The following NR3C2 variants were observed in gnomAD, a reference collection of about 807,000 sequenced individuals.
The protein encoded by NR3C2 is nuclear receptor subfamily 3 group C member 2, also known as mineralocorticoid receptor.
NR3C2 carries 15 observed loss-of-function variants against 86.4 expected under a neutral mutation model. That is an observed-to-expected ratio of 0.17 (90% CI 0.12 to 0.27). The LOEUF (loss-of-function observed/expected upper bound fraction) is 0.27, where lower values mean the gene tolerates loss of function less well. Among genes scored for constraint, NR3C2 ranks in the 10% least tolerant of loss-of-function variants. NR3C2 has a pLI of 1.00. For missense variants in NR3C2, 960 were observed against 1,195.6 expected, an observed-to-expected ratio of 0.80 and a Z score of 2.91; for synonymous variants, 458 against 450.5, an observed-to-expected ratio of 1.02 and a Z score of -0.21.
intron 4 of NR3C2, among the ~76,000 whole-genome samples, chr4:148,182,537 T>A (rs1735691123): frequency 6.6e-6 from 1 of 152,246 alleles, no homozygotes; most frequent in African/African-American, 2.4e-5. Flanking sequence ...GTGAGCTTTT[T>A]TCAGCAAGAT....
chr4:148,336,926 G>T (rs934672453), intron 2 of NR3C2, among the ~76,000 whole-genome samples: 2 of 152,046 alleles, frequency 1.3e-5, no homozygotes, highest in African/African-American at 2.4e-5. Flanking sequence ...GGAGTAGCTG[G>T]GACTACAGGC....
chr4:148,156,725 A>C (rs1196601056), intron 4 of NR3C2, among the ~76,000 whole-genome samples: 2 of 152,080 alleles, frequency 1.3e-5, no homozygotes, highest in Non-Finnish European at 1.5e-5. Flanking sequence ...AACTAGTTCA[A>C]CCATTGTGGA....
At chr4:148,116,256 T>C (rs1337559790) in intron 7 of NR3C2, among the ~76,000 whole-genome samples, 1 of 152,174 alleles carries the variant, frequency 6.6e-6, no homozygotes, top group Non-Finnish European at 1.5e-5. Flanking sequence ...ATTCTAAAAA[T>C]TACAACAACT....
chr4:148,376,156 A>AAAC (rs978192136), intron 2 of NR3C2, among the ~76,000 whole-genome samples: 1 of 151,568 alleles, frequency 6.6e-6, no homozygotes, highest in African/African-American at 2.4e-5. Context: ...AAAAAAAAAA[A>AAAC]AAAAAACCCA....
chr4:148,210,074 G>C (rs777792727), intron 3 of NR3C2, among the ~76,000 whole-genome samples: 2 of 152,152 alleles, frequency 1.3e-5, no homozygotes, highest in Admixed American at 6.5e-5. Flanking sequence ...CCTGGGAGGA[G>C]GGTCTGGATG....
intron 3 of NR3C2, among the ~76,000 whole-genome samples, chr4:148,235,974 T>C (rs1738730921): frequency 6.6e-6 from 1 of 152,238 alleles, no homozygotes; most frequent in Admixed American, 6.5e-5. Flanking sequence ...TCTTCTCCCT[T>C]GGCAGACGGC....
intron 5 of NR3C2, among the ~76,000 whole-genome samples, chr4:148,154,063 T>C (rs1316879504): frequency 1.3e-5 from 2 of 151,728 alleles, no homozygotes; most frequent in Non-Finnish European, 2.9e-5. Flanking sequence ...GGCTGGAGTA[T>C]AGTGGTGGGA....
At chr4:148,376,250 T>C (rs1746674692) in intron 2 of NR3C2, among the ~76,000 whole-genome samples, 1 of 149,850 alleles carries the variant, frequency 6.7e-6, no homozygotes, top group East Asian at 2.0e-4. Flanking sequence ...AGAAAGTAAA[T>C]AAAAGGAAGG....
intron 6 of NR3C2, among the ~76,000 whole-genome samples, chr4:148,137,105 T>A (rs958357581): frequency 2.0e-5 from 3 of 152,190 alleles, no homozygotes; most frequent in East Asian, 3.9e-4. Flanking sequence ...CTACTCTTTT[T>A]TGAACACATT....
intron 2 of NR3C2, among the ~76,000 whole-genome samples, chr4:148,400,752 C>G (rs1044157296): frequency 7.5e-6 from 1 of 133,086 alleles, no homozygotes; most frequent in Admixed American, 9.0e-5. Flanking sequence ...GCACTCCAGC[C>G]TGGGCGACTG....
intron 2 of NR3C2, among the ~76,000 whole-genome samples, chr4:148,352,015 T>TA (rs1345370268): frequency 6.6e-6 from 1 of 152,214 alleles, no homozygotes; most frequent in Non-Finnish European, 1.5e-5. Context: ...TCTGGAATAT[T>TA]ATTCTTAAAT....
intron 7 of NR3C2, among the ~76,000 whole-genome samples, chr4:148,115,936 A>G (rs1732256205): frequency 6.6e-6 from 1 of 152,224 alleles, no homozygotes; most frequent in Non-Finnish European, 1.5e-5. Flanking sequence ...AAACAAAAAG[A>G]ACAGTAATAA....
chr4:148,373,364 C>A (rs960159733), intron 2 of NR3C2, among the ~76,000 whole-genome samples: 12 of 152,110 alleles, frequency 7.9e-5, no homozygotes, highest in African/African-American at 2.9e-4. Flanking sequence ...AACCAACTAT[C>A]CTGTATCATG....
intron 8 of NR3C2, among the ~76,000 whole-genome samples, chr4:148,100,487 T>C (rs1412902100): frequency 6.6e-6 from 1 of 152,120 alleles, no homozygotes; most frequent in African/African-American, 2.4e-5. Flanking sequence ...ACATCACTAA[T>C]CAGGGAAATG....
At chr4:148,267,877 CT>C (rs1740477475) in intron 2 of NR3C2, among the ~76,000 whole-genome samples, 1 of 151,086 alleles carries the variant, frequency 6.6e-6, no homozygotes, top group Non-Finnish European at 1.5e-5. Flanking sequence ...TTAAAACATA[CT>C]TTAAAAAGCT....
chr4:148,270,626 G>T lies in NR3C2; in HGVS notation c.1758-10509C>A, dbSNP rs573699503. On this transcript the variant is annotated intron_variant, in intron 2 of 8. Coordinates refer to ENST00000358102, the MANE Select transcript of NR3C2 (RefSeq NM_000901.5). ...GTATGTTAAGATGACATCAAAGAATGTGTTCAAATAAATCATCAGTGAAGT... is the reference window on the plus strand; with the variant it reads ...GTATGTTAAGATGACATCAAAGAATTTGTTCAAATAAATCATCAGTGAAGT... Among the ~76,000 whole-genome samples the T allele has an allele frequency of 4.6e-5, 7 of 152,224 alleles. No individual in the cohort carries two copies. The South Asian group carries it at 1.5e-3, about 32-fold the overall frequency.
chr4:148,248,372 C>T (rs1170192291), intron 3 of NR3C2, among the ~76,000 whole-genome samples: 2 of 152,070 alleles, frequency 1.3e-5, no homozygotes, highest in Non-Finnish European at 2.9e-5. Context: ...ATGGTGCAGG[C>T]CAGATGAAAA....
chr4:148,320,620 G>A (rs542999766), intron 2 of NR3C2, among the ~76,000 whole-genome samples: 16 of 149,970 alleles, frequency 1.1e-4, no homozygotes, highest in African/African-American at 3.5e-4. Flanking sequence ...TGTATGTGTC[G>A]AAGAAGTTAT....
intron 2 of NR3C2, among the ~76,000 whole-genome samples, chr4:148,431,532 CG>C (rs1310665447): frequency 6.6e-6 from 1 of 152,038 alleles, no homozygotes; most frequent in Non-Finnish European, 1.5e-5. Flanking sequence ...CAACTAGGTC[CG>C]GCGTCCATTC....
Sources: gnomAD v4.1 joint callset for allele counts (sites outside exome capture counted in the v4.1 genomes callset) on GRCh38, gnomAD v4.1.1 for gene constraint, MANE v1.5 for transcripts, NCBI Gene and HGNC (gene_info 2026-07-23, HGNC 2026-07-21) for gene names.